Variants in TP63 observed in about 807,000 individuals in gnomAD.
TP63 encodes the protein tumor protein p63.
A neutral mutation model predicts 82.8 loss-of-function variants in TP63; 17 were observed. That is an observed-to-expected ratio of 0.21 (90% CI 0.14 to 0.31). The LOEUF (loss-of-function observed/expected upper bound fraction) is 0.31. Among genes scored for constraint, TP63 ranks in the 10% least tolerant of loss-of-function variants. The pLI, the probability that TP63 is intolerant of heterozygous loss-of-function variation, is 1.00. For synonymous variants in TP63, 330 were observed against 321.7 expected, an observed-to-expected ratio of 1.03 and a Z score of -0.28; for missense variants, 648 against 895.3, an observed-to-expected ratio of 0.72 and a Z score of 3.52.
At chr3:189,849,270 A>G (rs2108761675) in intron 4 of TP63, among the ~76,000 whole-genome samples, 1 of 152,298 alleles carries the variant, frequency 6.6e-6, no homozygotes, top group African/African-American at 2.4e-5. Flanking sequence ...GCTCCAGCAA[A>G]TTAATCAAAC....
chr3:189,778,547 G>A (rs1303260211), intron 3 of TP63, among the ~76,000 whole-genome samples: 1 of 152,150 alleles, frequency 6.6e-6, no homozygotes, highest in Non-Finnish European at 1.5e-5. Context: ...GATGGGTGAG[G>A]ATTGTGCATG....
At chr3:189,602,312 G>C in the TP63 span, among the ~76,000 whole-genome samples, 1 of 152,348 alleles carries the variant, frequency 6.6e-6, no homozygotes, top group East Asian at 1.9e-4. Flanking sequence ...GCTGGCCACA[G>C]TGTGTATAAT....
intron 3 of TP63, among the ~76,000 whole-genome samples, chr3:189,744,519 A>G (rs990335241): frequency 6.6e-6 from 1 of 152,168 alleles, no homozygotes; most frequent in Non-Finnish European, 1.5e-5. Flanking sequence ...GTGTGCCACC[A>G]TTGGCAGCTG....
At position 189,896,658 on chromosome 3, in the gene TP63, G is replaced by A. The variant is rs1721497427; in HGVS notation, c.*2156G>A. Reference sequence around the variant, plus strand: ...TTGCTGAGGGTTTGAATAAACCTAGGACTTCCGAGCTATGTCAGTACTATT... The same window carrying A: ...TTGCTGAGGGTTTGAATAAACCTAGAACTTCCGAGCTATGTCAGTACTATT... On this transcript the variant is annotated 3_prime_UTR_variant, in exon 14 of 14. Transcript: ENST00000264731. 1 of 205,838 alleles carries A rather than the reference G, an allele frequency of 4.9e-6. No individual in the cohort carries two copies. The highest frequency in any genetic ancestry group is 1.0e-5 in the Non-Finnish European group (1 of 100,310). The allele number at this position is 205,838 out of a possible 1,614,324, so 12.8% of individuals were successfully genotyped here. A position where few individuals can be genotyped will look rare whatever the true frequency, so the allele number is the denominator to read the frequency against.
chr3:189,620,567 G>A, the TP63 span, among the ~76,000 whole-genome samples: 1 of 147,290 alleles, frequency 6.8e-6, no homozygotes, highest in Non-Finnish European at 1.5e-5. Context: ...GAGAAAAGAA[G>A]AGAATTCAAT....
intron 1 of TP63, among the ~76,000 whole-genome samples, chr3:189,710,498 A>G (rs1718512296): frequency 6.6e-6 from 1 of 150,638 alleles, no homozygotes. Flanking sequence ...TTTTTTTTTT[A>G]GCTTCCCTCA....
At chr3:189,796,566 C>T (rs968442806) in intron 3 of TP63, among the ~76,000 whole-genome samples, 3 of 151,908 alleles carry the variant, frequency 2.0e-5, no homozygotes, top group African/African-American at 7.2e-5. Flanking sequence ...ACCTAATCCT[C>T]CACTTTCAAA....
In TP63 at chr3:189,770,736, T is replaced by A. The variant is rs1432511335; in HGVS notation, c.324+31962T>A. On this transcript the variant is annotated intron_variant, in intron 3 of 13. Transcript: ENST00000264731. ...ATTTATGCAAATTTGAGGAGGCTAA[T>A]CCAAGTCATCTCTACAGATAGTTAG... Among the ~76,000 whole-genome samples, 4 of 152,314 alleles carry A rather than the reference T, an allele frequency of 2.6e-5. No individual in the cohort carries two copies. The South Asian group carries it at 8.3e-4, about 32-fold the overall frequency.
chr3:189,828,646 TAAAA>T (rs1711818311), intron 4 of TP63, among the ~76,000 whole-genome samples: 1 of 152,222 alleles, frequency 6.6e-6, no homozygotes, highest in South Asian at 2.1e-4. Context: ...AATGTTTGGG[TAAAA>T]AATTTATTGG....
At chr3:189,875,966 C>T (rs186167929) in intron 10 of TP63, among the ~76,000 whole-genome samples, 3 of 152,052 alleles carry the variant, frequency 2.0e-5, no homozygotes, top group East Asian at 3.9e-4. Context: ...ACTTGATTCA[C>T]GTCACATATT....
At chr3:189,607,007 A>G in the TP63 span, among the ~76,000 whole-genome samples, 1 of 152,090 alleles carries the variant, frequency 6.6e-6, no homozygotes, top group South Asian at 2.1e-4. Flanking sequence ...TGATGAAGTG[A>G]GCTGTTATGT....
chr3:189,608,663 A>G, the TP63 span, among the ~76,000 whole-genome samples: 1 of 152,136 alleles, frequency 6.6e-6, no homozygotes, highest in Non-Finnish European at 1.5e-5. Flanking sequence ...AGCTATTTAC[A>G]TAAATTGTTT....
intron 1 of TP63, among the ~76,000 whole-genome samples, chr3:189,696,883 G>A (rs971773078): frequency 3.3e-5 from 5 of 151,990 alleles, no homozygotes; most frequent in Admixed American, 2.6e-4. Context: ...ATTTTAAAAT[G>A]TTTTCTAATT....
intron 1 of TP63, among the ~76,000 whole-genome samples, chr3:189,717,637 T>G (rs1388626239): frequency 6.6e-6 from 1 of 152,220 alleles, no homozygotes; most frequent in African/African-American, 2.4e-5. Context: ...TAAATGAAGT[T>G]GGTCTCATTA....
upstream of TP63, among the ~76,000 whole-genome samples, chr3:189,628,383 A>G (rs550286691): frequency 6.6e-6 from 1 of 152,266 alleles, no homozygotes; most frequent in South Asian, 2.1e-4. Context: ...AATAATTTTC[A>G]TGAATGTAAG....
the TP63 span, among the ~76,000 whole-genome samples, chr3:189,616,107 A>G: frequency 5.3e-5 from 8 of 152,216 alleles, no homozygotes; most frequent in Non-Finnish European, 1.2e-4. Flanking sequence ...ATCAAGACAA[A>G]AATAAGAGCA....
intron 1 of TP63, among the ~76,000 whole-genome samples, chr3:189,717,443 T>C (rs954628237): frequency 2.6e-5 from 4 of 152,214 alleles, no homozygotes; most frequent in Non-Finnish European, 4.4e-5. Flanking sequence ...GCTTATTAGC[T>C]AAGATTTGGG....
At chr3:189,848,239 T>TCCTTC (rs372147574) in intron 4 of TP63, among the ~76,000 whole-genome samples, 25 of 96,024 alleles carry the variant, frequency 2.6e-4, no homozygotes, top group African/African-American at 9.8e-4. Flanking sequence ...CTCCTCCTCC[T>TCCTTC]TCTCTCTCTC....
chr3:189,804,272 C>G (rs909280141), intron 3 of TP63, among the ~76,000 whole-genome samples: 1 of 152,188 alleles, frequency 6.6e-6, no homozygotes, highest in Non-Finnish European at 1.5e-5. Context: ...AGGTACTGCT[C>G]CCTTTACCCC....
Sources: gnomAD v4.1 joint callset for allele counts (sites outside exome capture counted in the v4.1 genomes callset) on GRCh38, gnomAD v4.1.1 for gene constraint, MANE v1.5 for transcripts, NCBI Gene and HGNC (gene_info 2026-07-23, HGNC 2026-07-21) for gene names.